Variants in MTF1 observed in about 807,000 individuals in gnomAD.
The protein encoded by MTF1 is metal regulatory transcription factor 1.
A neutral mutation model predicts 70.4 loss-of-function variants in MTF1; 22 were observed. The observed-to-expected ratio is 0.31, with a 90% confidence interval of 0.22 to 0.45. The LOEUF is 0.45. Among genes scored for constraint, MTF1 ranks in the 20% least tolerant of loss-of-function variants. The probability of loss-of-function intolerance (pLI) is 1.00; values close to 1 mark genes in which losing one functional copy is unlikely to be tolerated. For missense variants in MTF1, 649 were observed against 922.0 expected (o/e 0.70, Z 3.83); for synonymous variants, 333 against 352.8 (o/e 0.94, Z 0.63).
At chr1:37,842,325 T>G (rs1286398453) in intron 2 of MTF1, among the ~76,000 whole-genome samples, 2 of 152,182 alleles carry the variant, frequency 1.3e-5, no homozygotes, top group African/African-American at 4.8e-5. Context: ...AAAGAATTTT[T>G]AAAAATTTAA....
At chr1:37,830,732 G>C (rs1162949483) in intron 7 of MTF1, among the ~76,000 whole-genome samples, 1 of 152,188 alleles carries the variant, frequency 6.6e-6, no homozygotes, top group African/African-American at 2.4e-5. Context: ...TTGTTTGTCT[G>C]AATATTCCAT....
Position 37,843,359 on chromosome 1 carries a change from G to A in MTF1, c.409-3201C>T, listed in dbSNP as rs376405196. ...ACATATTTGGAGGCAGAAAAGTCCT[G>A]GAAGAAGGAGAAGTTGAGGATTTAA... On this transcript the variant is annotated intron_variant, in intron 2 of 10. Transcript: ENST00000373036. Among the ~76,000 whole-genome samples the A allele has an allele frequency of 7.9e-5, 12 of 152,002 alleles. 1 individual carries two copies. In the East Asian group the frequency reaches 1.3e-3, roughly 17 times the overall value.
At chr1:37,825,668 C>T (rs79516585) in intron 7 of MTF1, among the ~76,000 whole-genome samples, 5,971 of 152,224 alleles carry the variant, frequency 0.039, 387 homozygotes, top group African/African-American at 0.14. Flanking sequence ...TCTGCCACCC[C>T]TGACACAGCA....
At chr1:37,830,857 T>G (rs1316752653) in intron 7 of MTF1, among the ~76,000 whole-genome samples, 1 of 152,150 alleles carries the variant, frequency 6.6e-6, no homozygotes, top group Non-Finnish European at 1.5e-5. Flanking sequence ...CAGCCAGAGA[T>G]TCGGAGAGAG....
At chr1:37,820,642 G>A (rs1640895876) in intron 9 of MTF1, among the ~76,000 whole-genome samples, 1 of 152,188 alleles carries the variant, frequency 6.6e-6, no homozygotes, top group Non-Finnish European at 1.5e-5. Context: ...AATAAGTGAA[G>A]GACAAGGAAT....
chr1:37,823,686 G>A, intron 8 of MTF1, 24 bp downstream of exon 8: 1 of 1,556,188 alleles, frequency 6.4e-7, no homozygotes, highest in Non-Finnish European at 8.9e-7. Context: ...TTAGATGTGA[G>A]TAGAAAGAGT....
chr1:37,838,799 T>C lies in MTF1; in HGVS notation c.648-43A>G, dbSNP rs748976548. 5.2e-5 allele frequency: 47 copies of C among 905,608 alleles called. 1 individual carries two copies. In the Middle Eastern group the frequency reaches 4.4e-3, roughly 85 times the overall value. The allele number at this position is 905,608 out of a possible 1,614,324, so 56.1% of individuals were successfully genotyped here. On this transcript the variant is annotated intron_variant, in intron 3 of 10. Transcript: ENST00000373036. ...AAAATTCCCTTTGTCATAAAATTCT[T>C]TTTTTTTTTTTTTTTTTTTTCTGAG...
At chr1:37,829,329 G>C (rs1388641326) in intron 7 of MTF1, among the ~76,000 whole-genome samples, 1 of 151,818 alleles carries the variant, frequency 6.6e-6, no homozygotes, top group Non-Finnish European at 1.5e-5. Context: ...ACCACACCCA[G>C]CTAATATTTT....
chr1:37,856,435 G>T lies in MTF1; in HGVS notation c.408+816C>A, dbSNP rs142054521. The stretch of plus-strand genomic sequence containing the variant: ...TCCACCTGCCTCGGCCTCCCAAAGT[G>T]CTGGGATTACAGAAAGTGTTAGGAT... On this transcript the variant is annotated intron_variant, in intron 2 of 10. Transcript: ENST00000373036. Among the ~76,000 whole-genome samples, 605 of 150,476 alleles carry T rather than the reference G, an allele frequency of 4.0e-3. 21 individuals are homozygous for T. The East Asian group carries it at 0.068, about 17-fold the overall frequency.
At chr1:37,857,923 T>C (rs1641524316) in intron 1 of MTF1, among the ~76,000 whole-genome samples, 2 of 150,110 alleles carry the variant, frequency 1.3e-5, no homozygotes, top group African/African-American at 4.9e-5. Context: ...ACACCTGTAA[T>C]CCCAACACTT....
chr1:37,836,120 G>A (rs1244534696), intron 4 of MTF1, among the ~76,000 whole-genome samples: 2 of 152,062 alleles, frequency 1.3e-5, no homozygotes, highest in African/African-American at 2.4e-5. Flanking sequence ...CTTATAAATA[G>A]AAACTAAAAC....
chr1:37,836,519 G>C (rs1403788673), intron 4 of MTF1, among the ~76,000 whole-genome samples: 1 of 152,068 alleles, frequency 6.6e-6, no homozygotes, highest in Non-Finnish European at 1.5e-5. Context: ...CTCTTTTACT[G>C]TCTTGATAAC....
chr1:37,820,538 A>C (rs1413049849), intron 9 of MTF1, among the ~76,000 whole-genome samples: 2 of 152,226 alleles, frequency 1.3e-5, no homozygotes, highest in Non-Finnish European at 2.9e-5. Context: ...TAATATGTTA[A>C]AATGTGTTTT....
intron 2 of MTF1, among the ~76,000 whole-genome samples, chr1:37,846,192 C>T (rs2148418461): frequency 6.6e-6 from 1 of 152,178 alleles, no homozygotes; most frequent in African/African-American, 2.4e-5. Context: ...TCTCAAAGAG[C>T]TCAAAGTCAA....
intron 2 of MTF1, among the ~76,000 whole-genome samples, chr1:37,849,429 TAA>T (rs770838483): frequency 2.1e-5 from 3 of 140,888 alleles, no homozygotes; most frequent in Non-Finnish European, 4.7e-5. Flanking sequence ...TCACCTCAAT[TAA>T]AAAAAAAAAA....
intron 2 of MTF1, among the ~76,000 whole-genome samples, chr1:37,849,120 A>C (rs1370467575): frequency 6.6e-6 from 1 of 152,180 alleles, no homozygotes; most frequent in East Asian, 1.9e-4. Context: ...GCAATATACC[A>C]AGCAGCCTAA....
At chr1:37,859,062 CTT>C (rs1641552148) in intron 1 of MTF1, among the ~76,000 whole-genome samples, 3 of 152,230 alleles carry the variant, frequency 2.0e-5, no homozygotes, top group Admixed American at 6.5e-5. Flanking sequence ...CTAGCTCTGG[CTT>C]ACGCAACCCC....
At position 37,840,507 on chromosome 1, in the gene MTF1, G is replaced by A; in HGVS notation, c.409-349C>T. The A allele has an allele frequency of 2.1e-6, 1 of 468,586 alleles. No homozygotes were observed. Among genetic ancestry groups the A allele is most frequent in the Non-Finnish European group, 4.2e-6 (1 of 235,504 alleles). The allele number at this position is 468,586 out of a possible 1,614,324, so 29.0% of individuals were successfully genotyped here. A position where few individuals can be genotyped will look rare whatever the true frequency, so the allele number is the denominator to read the frequency against. On this transcript the variant is annotated intron_variant, in intron 2 of 10. Coordinates refer to ENST00000373036, the MANE Select transcript of MTF1 (RefSeq NM_005955.3). This position sits in a 1 kb window ranked among gnomAD's most constrained non-coding sequence, Gnocchi z 4.5. ...AGATCTTAACTTTGTTTTAAGGCTT[G>A]ACTAAACACCCTGACCTCCAGAACT...
chr1:37,819,423 G>A (rs1404376455), intron 9 of MTF1, among the ~76,000 whole-genome samples: 1 of 152,086 alleles, frequency 6.6e-6, no homozygotes, highest in Non-Finnish European at 1.5e-5. Flanking sequence ...AGGAGTTCCA[G>A]AACATTATTT....
Sources: gnomAD v4.1 joint callset for allele counts (sites outside exome capture counted in the v4.1 genomes callset) on GRCh38, gnomAD v4.1.1 for gene constraint, Gnocchi (gnomAD v3.1) non-coding constraint, MANE v1.5 for transcripts, NCBI Gene and HGNC (gene_info 2026-07-23, HGNC 2026-07-21) for gene names.